The following CSPG4 variants were observed in gnomAD, a reference collection of about 807,000 sequenced individuals.
The protein encoded by CSPG4 is chondroitin sulfate proteoglycan 4 (melanoma-associated).
Under a neutral mutation model 139.3 loss-of-function variants are expected in CSPG4, and 74 were observed. That is an observed-to-expected ratio of 0.53 (90% CI 0.44 to 0.64). CSPG4 has a LOEUF of 0.64. Ranked by LOEUF, CSPG4 falls within the 30% of genes least tolerant of loss-of-function variation. The probability of loss-of-function intolerance (pLI) is 0.00; values close to 1 mark genes in which losing one functional copy is unlikely to be tolerated. For missense variants in CSPG4, 2,565 were observed against 3,148.3 expected, an observed-to-expected ratio of 0.81 and a Z score of 4.43; for synonymous variants, 1,234 against 1,394.2, an observed-to-expected ratio of 0.89 and a Z score of 2.56.
rs1894146702 is a variant in CSPG4 at position 75,690,344 on chromosome 15, A to G, written c.721T>C (p.Phe241Leu). ...TTQSRQAPLA[F>L]QAGGRRGDFI... ...TCCCCACGCCGGCCCCCTGCCTGGA[A>G]GGCCAAGGGTGCCTGCCGGCTCTGT... The change falls in exon 3 of 10, where the codon TTC (phenylalanine) becomes CTC (leucine). Residue 241 changes from phenylalanine (F) to leucine (L), a missense_variant. Around this residue, in one of 5 missense-constraint regions of CSPG4, gnomAD observed 40 missense variants for 89.0 expected, o/e 0.45. Coordinates refer to ENST00000308508, the MANE Select transcript of CSPG4 (RefSeq NM_001897.5). The G allele has an allele frequency of 6.2e-7, 1 of 1,612,032 alleles. No individual in the cohort carries two copies. The highest frequency in any genetic ancestry group is 1.3e-5 in the African/African-American group (1 of 74,932).
chr15:75,705,921 G>A lies in CSPG4; in HGVS notation c.88+6747C>T, dbSNP rs563706767. On this transcript the variant is annotated intron_variant, in intron 1 of 9. Transcript: ENST00000308508. Reference sequence around the variant, plus strand: ...TATGTCTGTGTGCGTGTGTGTGTGCGTATGTGTGTCTGTGTGCATGTGTCT... The same window carrying A: ...TATGTCTGTGTGCGTGTGTGTGTGCATATGTGTGTCTGTGTGCATGTGTCT... Among the ~76,000 whole-genome samples, 121 of 152,154 alleles carry A rather than the reference G, an allele frequency of 8.0e-4. 4 individuals carry two copies. In the South Asian group the frequency reaches 0.02, roughly 26 times the overall value.
chr15:75,701,678 G>A (rs1424235005), intron 1 of CSPG4, among the ~76,000 whole-genome samples: 3 of 152,074 alleles, frequency 2.0e-5, no homozygotes, highest in Admixed American at 6.5e-5. Flanking sequence ...AATGCACCAC[G>A]TCTCTCTCAC....
In CSPG4 at chr15:75,674,436, T is replaced by C; in HGVS notation, c.*1114A>G. 1 of 340,382 alleles carries C rather than the reference T, an allele frequency of 2.9e-6. No individual in the cohort carries two copies. Among genetic ancestry groups the C allele is most frequent in the Non-Finnish European group, 5.3e-6 (1 of 188,550 alleles). The allele number at this position is 340,382 out of a possible 1,614,324, so 21.1% of individuals were successfully genotyped here. Reference sequence around the variant, plus strand: ...CCCATCACCCGAAGACTGGCCCACCTGCCCACACAGGTGGGGGCACAGGAG... The same window carrying C: ...CCCATCACCCGAAGACTGGCCCACCCGCCCACACAGGTGGGGGCACAGGAG... On this transcript the variant is annotated 3_prime_UTR_variant, in exon 10 of 10. Transcript: ENST00000308508.
Position 75,690,063 on chromosome 15 carries a change from G to A in CSPG4, c.1002C>T (p.His334=). The change falls in exon 3 of 10, where the codon CAC becomes CAT. Residue 334 remains histidine, a synonymous_variant. Transcript: ENST00000308508. ...TCAGGCCCAGGCGGTGTTCCTGGAGGTGACGAGAGGCCTCTGCATCCAGCC... is the reference window on the plus strand; with the variant it reads ...TCAGGCCCAGGCGGTGTTCCTGGAGATGACGAGAGGCCTCTGCATCCAGCC... ...LGGLDAEASR[H]LQEHRLGLTP... is the part of the protein sequence containing the mutation. 6.2e-7 allele frequency: 1 copy of A among 1,611,998 alleles called. No homozygotes were observed. Among genetic ancestry groups the A allele is most frequent in the Non-Finnish European group, 8.5e-7 (1 of 1,179,566 alleles).
intron 1 of CSPG4, among the ~76,000 whole-genome samples, chr15:75,694,783 G>A (rs1265388862): frequency 2.0e-5 from 3 of 152,376 alleles, no homozygotes; most frequent in East Asian, 3.9e-4. Flanking sequence ...CCATCTGCGC[G>A]GGGGCGGCCC....
chr15:75,676,537 C>T lies in CSPG4; in HGVS notation c.5982G>A (p.Gly1994=), dbSNP rs775500090. The T allele has an allele frequency of 6.2e-7, 1 of 1,613,762 alleles. No homozygotes were observed. Among genetic ancestry groups the T allele is most frequent in the Non-Finnish European group, 8.5e-7 (1 of 1,179,998 alleles). The change falls in exon 10 of 10, where the codon GGG becomes GGA. Residue 1994 remains glycine (G), a synonymous_variant. Transcript: ENST00000308508. ...GPQYGHLLVG[G]RPTSAFSQFQ... is the part of the protein sequence containing the mutation. ...ATTGGCTGAAGGCCGAGGTGGGCCG[C>T]CCGCCCACCAGGAGATGCCCATACT...
Position 75,687,246 on chromosome 15 carries a change from C to A in CSPG4, c.3789+30G>T. The A allele has an allele frequency of 6.2e-7, 1 of 1,607,618 alleles. No homozygotes were observed. ...GGGAGAAGGCCCTCTACCTGGCCCA[C>A]ACCCCTGCTCACCACCTCCAACTCC... On this transcript the variant is annotated intron_variant, in intron 3 of 9. Transcript: ENST00000308508. The surrounding 1 kb of genome is among the most constrained non-coding windows in gnomAD (Gnocchi z 5.4).
chr15:75,682,824 C>T lies in CSPG4; in HGVS notation c.4648+19G>A. The T allele has an allele frequency of 6.2e-7, 1 of 1,605,878 alleles. No homozygotes were observed. The highest frequency in any genetic ancestry group is 2.2e-5 in the East Asian group (1 of 44,694). ...CCCCGTGGGCAGCAGGAACCCGAGG[C>T]CCGGCCCTCAGCACCCACCTCTGTG... On this transcript the variant is annotated intron_variant, in intron 6 of 9. Coordinates refer to ENST00000308508, the MANE Select transcript of CSPG4 (RefSeq NM_001897.5).
In CSPG4 at chr15:75,693,188, G is replaced by T; in HGVS notation, c.134C>A (p.Ala45Asp). Residue 45 changes from alanine (A) to aspartate (D), a missense_variant, in exon 2 of 10, where the codon GCT becomes GAT. This residue lies in a region of CSPG4 where 30 missense variants were observed against 60.1 expected (regional missense o/e 0.50). Transcript: ENST00000308508. ...ENHLEVPVAT[A>D]LTDIDLQLQF... is the part of the protein sequence containing the mutation. ...CAGCTGCAGGTCTATGTCGGTCAGA[G>T]CCGTGGCCACAGGCACCTCCAGGTG... 6.2e-7 allele frequency: 1 copy of T among 1,610,694 alleles called. No individual in the cohort carries two copies. The highest frequency in any genetic ancestry group is 8.5e-7 in the Non-Finnish European group (1 of 1,179,380).
chr15:75,710,483 G>T (rs1472632077), intron 1 of CSPG4, among the ~76,000 whole-genome samples: 3 of 152,102 alleles, frequency 2.0e-5, no homozygotes, highest in Non-Finnish European at 2.9e-5. Flanking sequence ...AGGGCTGGGG[G>T]CTCTTCCTGG....
At chr15:75,701,798 C>G (rs972826341) in intron 1 of CSPG4, among the ~76,000 whole-genome samples, 1 of 152,194 alleles carries the variant, frequency 6.6e-6, no homozygotes, top group Non-Finnish European at 1.5e-5. Flanking sequence ...GCAAGGAGGA[C>G]TCAGTGTACT....
Position 75,698,998 on chromosome 15 carries a change from GC to G in CSPG4, c.89-5766del, listed in dbSNP as rs999353111. Among the ~76,000 whole-genome samples the G allele has an allele frequency of 7.5e-4, 114 of 152,200 alleles. No individual in the cohort carries two copies. Among genetic ancestry groups the G allele is most frequent in the African/African-American group, 2.6e-3 (109 of 41,540 alleles). On this transcript the variant is annotated intron_variant, in intron 1 of 9. Coordinates refer to ENST00000308508, the MANE Select transcript of CSPG4 (RefSeq NM_001897.5). The surrounding 1 kb of genome is among the most constrained non-coding windows in gnomAD (Gnocchi z 4.3). ...CTCACACACCTGCAGACCCCTCAGG[GC>G]TCACTGCTCTTTAGCAACTCTTCCT...
chr15:75,684,038 C>A (rs1894018392), intron 5 of CSPG4, among the ~76,000 whole-genome samples: 1 of 151,670 alleles, frequency 6.6e-6, no homozygotes, highest in Admixed American at 6.6e-5. Context: ...CGCCCCCACC[C>A]CCGCCCCAGG....
At chr15:75,699,115 T>C (rs1318123102) in intron 1 of CSPG4, among the ~76,000 whole-genome samples, 1 of 152,186 alleles carries the variant, frequency 6.6e-6, no homozygotes. Context: ...GCTACCGAAA[T>C]GCGGACAACA....
rs759771636 is a variant in CSPG4, at chr15:75,689,317, G to A, written c.1748C>T (p.Pro583Leu). The change falls in exon 3 of 10, where the codon CCG (proline) becomes CTG (leucine). Residue 583 changes from proline to leucine, a missense_variant. Transcript: ENST00000308508. Reference protein sequence around the residue: ...LGPEVFQAYDPDSACEGLTFQ... With the variant: ...LGPEVFQAYDLDSACEGLTFQ... ...GGTGAGGCCCTCACAGGCAGAGTCC[G>A]GGTCATAGGCCTGGAAAACCTCAGG... is the stretch of plus-strand genomic sequence containing the variant. 23 of 1,610,988 alleles carry A rather than the reference G, an allele frequency of 1.4e-5. No homozygotes were observed. The highest frequency in any genetic ancestry group is 2.1e-4 in the Middle Eastern group (1 of 4,662).
chr15:75,693,326 G>T lies in CSPG4; in HGVS notation c.89-93C>A, dbSNP rs1256965185. The T allele has an allele frequency of 4.0e-6, 5 of 1,239,966 alleles. No homozygotes were observed. In the Admixed American group the frequency reaches 1.2e-4, roughly 30 times the overall value. 76.8% of individuals were successfully genotyped at this position (1,239,966 alleles called of 1,614,324 possible). On this transcript the variant is annotated intron_variant, in intron 1 of 9. Transcript: ENST00000308508. ...AGGGACGGGTGGGTTGCAGAAAGGG[G>T]TCCGTGCTGGCGCACCCTCATGGTT...
At position 75,712,696 on chromosome 15, in the gene CSPG4, C is replaced by A; in HGVS notation, c.60G>T (p.Leu20=). ...CGGATGCAAGTCTGGCCAACATAGT[C>A]AGGGTCAAAGCCAAGGCCAGGCCGG... The part of the protein sequence containing the change: ...PAPGLALALT[L]TMLARLASAA... The change falls in exon 1 of 10, where the codon CTG becomes CTT. Residue 20 remains leucine, a synonymous_variant. Transcript: ENST00000308508. 6.4e-7 allele frequency: 1 copy of A among 1,566,024 alleles called. No individual in the cohort carries two copies. The highest frequency in any genetic ancestry group is 1.2e-5 in the South Asian group (1 of 85,136).
chr15:75,691,902 G>A (rs541175087), intron 2 of CSPG4, among the ~76,000 whole-genome samples: 4 of 152,286 alleles, frequency 2.6e-5, no homozygotes, highest in East Asian at 1.9e-4. Flanking sequence ...CCTGCACCAC[G>A]CTGGTGTTTA....
rs1329201091 is a variant in CSPG4, at chr15:75,688,850, C to A, written c.2215G>T (p.Gly739Cys). 2 of 1,612,546 alleles carry A rather than the reference C, an allele frequency of 1.2e-6. No individual in the cohort carries two copies. Among genetic ancestry groups the A allele is most frequent in the Admixed American group, 3.3e-5 (2 of 60,022 alleles). The change falls in exon 3 of 10, where the codon GGC becomes TGC. Residue 739 changes from glycine (G) to cysteine (C), a missense_variant. Coordinates refer to ENST00000308508, the MANE Select transcript of CSPG4 (RefSeq NM_001897.5). ...TCAGTGCTCAGGTACCTCACGCGGCCCTGCTCCACATCCCGCTGGTGGAAC... is the reference window on the plus strand; with the variant it reads ...TCAGTGCTCAGGTACCTCACGCGGCACTGCTCCACATCCCGCTGGTGGAAC... ...QAFHQRDVEQ[G>C]RVRYLSTDPQ...
Sources: allele counts gnomAD v4.1 joint callset (sites outside exome capture counted in the v4.1 genomes callset), GRCh38; gene constraint gnomAD v4.1.1; regional missense constraint gnomAD v4.1.1; non-coding constraint Gnocchi (gnomAD v3.1); transcripts MANE v1.5; gene names NCBI Gene and HGNC (gene_info 2026-07-23, HGNC 2026-07-21).